CNTN1: variants seen among roughly 807,000 people sequenced by gnomAD.
The protein encoded by CNTN1 is contactin-1.
Under a neutral mutation model 126.4 loss-of-function variants are expected in CNTN1, and 38 were observed. That is an observed-to-expected ratio of 0.30 (90% CI 0.23 to 0.39). The LOEUF (loss-of-function observed/expected upper bound fraction) is 0.39, where lower values mean the gene tolerates loss of function less well. Ranked by LOEUF, CNTN1 falls within the 10% of genes least tolerant of loss-of-function variation. The probability of loss-of-function intolerance (pLI) is 1.00; values close to 1 mark genes in which losing one functional copy is unlikely to be tolerated. For missense variants in CNTN1, 1,009 were observed against 1,248.4 expected, an observed-to-expected ratio of 0.81 and a Z score of 2.89; for synonymous variants, 413 against 422.6, an observed-to-expected ratio of 0.98 and a Z score of 0.28.
intron 1 of CNTN1, among the ~76,000 whole-genome samples, chr12:40,703,801 G>GGACA (rs1555142342): frequency 6.6e-6 from 1 of 151,620 alleles, no homozygotes; most frequent in Non-Finnish European, 1.5e-5. Context: ...GTGAGAGGAG[G>GGACA]GAGAGAGAGA....
In CNTN1 at chr12:40,728,070, G is replaced by A. The variant is rs190817015; in HGVS notation, c.-77+35478G>A. On this transcript the variant is annotated intron_variant, in intron 1 of 23. Transcript: ENST00000551295. Reference sequence around the variant, plus strand: ...AGCTATGTGGTCACAGTAGCTGGGAGACATTCATACTGATTAGTAAAAAAG... The same window carrying A: ...AGCTATGTGGTCACAGTAGCTGGGAAACATTCATACTGATTAGTAAAAAAG... Among the ~76,000 whole-genome samples the A allele has an allele frequency of 5.1e-4, 77 of 152,292 alleles. 1 individual carries two copies. The East Asian group carries it at 0.014, about 28-fold the overall frequency.
chr12:40,925,541 G>A (rs985057122), intron 6 of CNTN1, among the ~76,000 whole-genome samples: 1 of 142,046 alleles, frequency 7.0e-6, no homozygotes, highest in Admixed American at 7.1e-5. Flanking sequence ...GTGTGTGTGT[G>A]TGTGTGTATA....
chr12:41,037,174 G>A (rs983961088), intron 23 of CNTN1, among the ~76,000 whole-genome samples: 2 of 151,976 alleles, frequency 1.3e-5, no homozygotes, highest in Non-Finnish European at 2.9e-5. Context: ...TGATGGATTG[G>A]TATGGTTTAT....
chr12:41,031,631 C>T (rs1949147272), intron 23 of CNTN1, among the ~76,000 whole-genome samples: 1 of 152,050 alleles, frequency 6.6e-6, no homozygotes, highest in African/African-American at 2.4e-5. Context: ...GTATATATAG[C>T]TCATGTATAG....
At chr12:40,978,086 G>C (rs1279507161) in intron 15 of CNTN1, among the ~76,000 whole-genome samples, 1 of 152,040 alleles carries the variant, frequency 6.6e-6, no homozygotes, top group African/African-American at 2.4e-5. Flanking sequence ...ATAGACGTGA[G>C]TTACCACACC....
intron 1 of CNTN1, among the ~76,000 whole-genome samples, chr12:40,737,185 A>T (rs1937722121): frequency 6.6e-6 from 1 of 151,594 alleles, no homozygotes. Context: ...CAAGAAACAG[A>T]TGCTTGTAGC....
intron 1 of CNTN1, among the ~76,000 whole-genome samples, chr12:40,891,213 G>A (rs1252220555): frequency 6.6e-6 from 1 of 152,032 alleles, no homozygotes; most frequent in African/African-American, 2.4e-5. Context: ...TAGTTGAGTT[G>A]TTTGTATTCC....
intron 3 of CNTN1, among the ~76,000 whole-genome samples, chr12:40,916,607 A>T (rs1261897650): frequency 6.6e-6 from 1 of 152,076 alleles, no homozygotes; most frequent in East Asian, 1.9e-4. Flanking sequence ...AAAACATTAT[A>T]TTCATTTATG....
intron 1 of CNTN1, among the ~76,000 whole-genome samples, chr12:40,698,871 C>T (rs1941522846): frequency 6.6e-6 from 1 of 152,178 alleles, no homozygotes; most frequent in Non-Finnish European, 1.5e-5. Flanking sequence ...CCCGTAATGT[C>T]AATCAACTGA....
In CNTN1 at chr12:40,718,404, C is replaced by A. The variant is rs548637074; in HGVS notation, c.-77+25812C>A. On this transcript the variant is annotated intron_variant, in intron 1 of 23. Coordinates refer to ENST00000551295, the MANE Select transcript of CNTN1 (RefSeq NM_001843.4). The stretch of plus-strand genomic sequence containing the variant: ...CCGTGTTGGCCAGGATGGTCTCGAT[C>A]TCCTGACCTCATAATCCGCCCGCCT... 2.0e-5 allele frequency among the ~76,000 whole-genome samples: 3 copies of A among 152,120 alleles called. No homozygotes were observed. The East Asian group carries it at 5.8e-4, about 29-fold the overall frequency.
rs370984371 is a variant in CNTN1 at position 40,707,227 on chromosome 12, CTTTTTTTTTTTTTT to C, written c.-77+14661_-77+14674del. Reference sequence around the variant, plus strand: ...TTCCTCTTTCATTTCTTTTCTTTTTCTTTTTTTTTTTTTTTTTTTTTTTTTTTTTTTTTTTTTTT... The same window carrying C: ...TTCCTCTTTCATTTCTTTTCTTTTTCTTTTTTTTTTTTTTTTTTTTTTTTT... On this transcript the variant is annotated intron_variant, in intron 1 of 23. Coordinates refer to ENST00000551295, the MANE Select transcript of CNTN1 (RefSeq NM_001843.4). Among the ~76,000 whole-genome samples, 26 of 109,168 alleles carry C rather than the reference CTTTTTTTTTTTTTT, an allele frequency of 2.4e-4. No individual in the cohort carries two copies. In the South Asian group the frequency reaches 5.5e-3, roughly 23 times the overall value. The allele number at this position is 109,168 out of a possible 152,430, so 71.6% of individuals were successfully genotyped here. A position where few individuals can be genotyped will look rare whatever the true frequency, so the allele number is the denominator to read the frequency against.
intron 14 of CNTN1, among the ~76,000 whole-genome samples, chr12:40,957,062 G>A (rs969777151): frequency 5.3e-5 from 8 of 151,928 alleles, no homozygotes; most frequent in African/African-American, 1.9e-4. Context: ...AGAAAAAAAT[G>A]AGTATTTGAG....
intron 1 of CNTN1, among the ~76,000 whole-genome samples, chr12:40,706,570 C>T (rs1941746694): frequency 6.6e-6 from 1 of 152,076 alleles, no homozygotes; most frequent in African/African-American, 2.4e-5. Context: ...ATGCCTAGAA[C>T]ACTGCCTCAA....
At chr12:40,984,768 G>C (rs1301730907) in intron 16 of CNTN1, among the ~76,000 whole-genome samples, 3 of 151,978 alleles carry the variant, frequency 2.0e-5, no homozygotes, top group Admixed American at 6.6e-5. Context: ...TGTCCCCTTT[G>C]TGCAGCTAGT....
intron 1 of CNTN1, among the ~76,000 whole-genome samples, chr12:40,884,610 G>A (rs1022743141): frequency 1.3e-5 from 2 of 151,290 alleles, no homozygotes; most frequent in Non-Finnish European, 3.0e-5. Flanking sequence ...CATAAACATC[G>A]AGTATTGTTA....
intron 23 of CNTN1, among the ~76,000 whole-genome samples, chr12:41,064,406 A>G (rs1283236474): frequency 3.3e-5 from 5 of 152,282 alleles, no homozygotes; most frequent in East Asian, 1.9e-4. Context: ...AGCTTATGCC[A>G]TTGTTTGCTT....
chr12:40,935,829 T>C (rs1338621604), intron 9 of CNTN1, among the ~76,000 whole-genome samples: 1 of 152,074 alleles, frequency 6.6e-6, no homozygotes, highest in Non-Finnish European at 1.5e-5. Flanking sequence ...TTATAATGTA[T>C]AATGTTGATG....
intron 15 of CNTN1, among the ~76,000 whole-genome samples, chr12:40,960,392 G>T (rs1348151574): frequency 6.6e-6 from 1 of 151,694 alleles, no homozygotes; most frequent in Non-Finnish European, 1.5e-5. Context: ...AGATAAATTG[G>T]CAATAAAATG....
At chr12:40,740,871 T>C (rs993986552) in intron 1 of CNTN1, among the ~76,000 whole-genome samples, 9 of 152,130 alleles carry the variant, frequency 5.9e-5, no homozygotes, top group Non-Finnish European at 1.2e-4. Flanking sequence ...GTGCTTTTGC[T>C]CTTCCTTTGC....
Sources: allele counts gnomAD v4.1 joint callset (sites outside exome capture counted in the v4.1 genomes callset), GRCh38; gene constraint gnomAD v4.1.1; transcripts MANE v1.5; gene names NCBI Gene and HGNC (gene_info 2026-07-23, HGNC 2026-07-21).